PLEKHG3: variants seen among roughly 807,000 people sequenced by gnomAD.
PLEKHG3 encodes the protein pleckstrin homology domain-containing family G member 3.
Under a neutral mutation model 94.9 loss-of-function variants are expected in PLEKHG3, and 62 were observed. That is an observed-to-expected ratio of 0.65 (90% CI 0.53 to 0.81). The LOEUF is 0.81. Ranked by LOEUF, PLEKHG3 falls within the 30% of genes least tolerant of loss-of-function variation. The probability of loss-of-function intolerance (pLI) is 0.00; values close to 1 mark genes in which losing one functional copy is unlikely to be tolerated. For missense variants in PLEKHG3, 1,461 were observed against 1,619.3 expected (o/e 0.90, Z 1.68); for synonymous variants, 614 against 654.0 (o/e 0.94, Z 0.93).
At chr14:64,707,912 A>G (rs2080998540) in intron 1 of PLEKHG3, among the ~76,000 whole-genome samples, 2 of 152,328 alleles carry the variant, frequency 1.3e-5, no homozygotes, top group South Asian at 2.1e-4. Context: ...ATGCGGCATC[A>G]TGGCAATGTA....
chr14:64,724,253 G>A (rs2081314945), intron 1 of PLEKHG3, among the ~76,000 whole-genome samples: 1 of 152,088 alleles, frequency 6.6e-6, no homozygotes, highest in East Asian at 1.9e-4. Flanking sequence ...AATGCACTCT[G>A]AGAGCGATGC....
Position 64,743,946 on chromosome 14 carries a change from ATAGT to A in PLEKHG3, c.*245_*248del. The A allele has an allele frequency of 2.4e-6, 1 of 417,496 alleles. No homozygotes were observed. Among genetic ancestry groups the A allele is most frequent in the Non-Finnish European group, 4.2e-6 (1 of 235,868 alleles). 25.9% of individuals were successfully genotyped at this position (417,496 alleles called of 1,614,324 possible). On this transcript the variant is annotated 3_prime_UTR_variant, in exon 17 of 17. Transcript: ENST00000247226. This position sits in a 1 kb window ranked among gnomAD's most constrained non-coding sequence, Gnocchi z 7.2. ...GCCGGTGTGGCTGCTTCCCTTGTAA[ATAGT>A]TGTTCTCTGGTAAGAAGCCAAATAT...
In PLEKHG3 at chr14:64,728,717, C is replaced by A. The variant is rs926155562; in HGVS notation, c.352-279C>A. 6.6e-6 allele frequency among the ~76,000 whole-genome samples: 1 copy of A among 152,178 alleles called. No homozygotes were observed. Among genetic ancestry groups the A allele is most frequent in the African/African-American group, 2.4e-5 (1 of 41,450 alleles). On this transcript the variant is annotated intron_variant, in intron 2 of 16. Transcript: ENST00000247226. This position sits in a 1 kb window ranked among gnomAD's most constrained non-coding sequence, Gnocchi z 5.9. Reference sequence around the variant, plus strand: ...TGTGTCTCTCTGTGTCCTCCTTCTCCTCTTATAAGGACAGCAGCCACTGGA... The same window carrying A: ...TGTGTCTCTCTGTGTCCTCCTTCTCATCTTATAAGGACAGCAGCCACTGGA...
chr14:64,727,907 C>T lies in PLEKHG3; in HGVS notation c.276C>T (p.Ser92=). The T allele has an allele frequency of 6.2e-7, 1 of 1,612,262 alleles. No individual in the cohort carries two copies. Among genetic ancestry groups the T allele is most frequent in the Non-Finnish European group, 8.5e-7 (1 of 1,178,840 alleles). ...CAGGGCCTGCACACCACAAGCTCAG[C>T]TACCTGGGCCGAGTGGTGCGGGAGA... is the stretch of plus-strand genomic sequence containing the variant. ...AAAGPAHHKL[S]YLGRVVREIV... Residue 92 remains serine (S), a synonymous_variant, in exon 2 of 17, where the codon AGC becomes AGT. Transcript: ENST00000247226. This position sits in a 1 kb window ranked among gnomAD's most constrained non-coding sequence, Gnocchi z 6.0.
chr14:64,749,212 G>A lies in PLEKHG3; in HGVS notation c.*5509G>A. ...CCCGGCCCGCGACTCGACTCATCTC[G>A]ATTCGACCGGCGGGCGGCGGCGAGA... On this transcript the variant is annotated 3_prime_UTR_variant, in exon 17 of 17. Coordinates refer to ENST00000247226, the MANE Select transcript of PLEKHG3 (RefSeq NM_001308147.2). The surrounding 1 kb of genome is among the most constrained non-coding windows in gnomAD (Gnocchi z 4.7). 3 of 1,460,692 alleles carry A rather than the reference G, an allele frequency of 2.1e-6. No homozygotes were observed. The highest frequency in any genetic ancestry group is 2.8e-6 in the Non-Finnish European group (3 of 1,082,698). The allele number at this position is 1,460,692 out of a possible 1,614,324, so 90.5% of individuals were successfully genotyped here. A position where few individuals can be genotyped will look rare whatever the true frequency, so the allele number is the denominator to read the frequency against.
At chr14:64,736,791 G>A in intron 12 of PLEKHG3, 62 bp from the exon 13 acceptor site, 1 of 1,275,762 alleles carries the variant, frequency 7.8e-7, no homozygotes, top group Non-Finnish European at 1.1e-6. Context: ...GTGAGCTTGG[G>A]ACCCAGCCAG....
intron 12 of PLEKHG3, among the ~76,000 whole-genome samples, chr14:64,735,841 G>A (rs1192472680): frequency 6.6e-6 from 1 of 152,152 alleles, no homozygotes; most frequent in Non-Finnish European, 1.5e-5. Flanking sequence ...TGATAATTAA[G>A]TTCTATTGTT....
chr14:64,737,977 T>TGGTGGA, intron 14 of PLEKHG3: 4 of 1,195,644 alleles, frequency 3.3e-6, no homozygotes, highest in African/African-American at 1.6e-5. Flanking sequence ...GAGGAGGTGG[T>TGGTGGA]GGAGGAGGAG....
rs1566729212 is a variant in PLEKHG3, at chr14:64,749,262, G to A, written c.*5559G>A. On this transcript the variant is annotated 3_prime_UTR_variant, in exon 17 of 17. Coordinates refer to ENST00000247226, the MANE Select transcript of PLEKHG3 (RefSeq NM_001308147.2). This position sits in a 1 kb window ranked among gnomAD's most constrained non-coding sequence, Gnocchi z 4.7. ...AGGAGGCCAAGGCCTGGGCTGCCCG[G>A]TCTCTGCGCGTCCCGACTCCGCCGC... The A allele has an allele frequency of 6.5e-7, 1 of 1,541,118 alleles. No individual in the cohort carries two copies. The highest frequency in any genetic ancestry group is 8.7e-7 in the Non-Finnish European group (1 of 1,148,452).
chr14:64,716,015 C>T lies in PLEKHG3; in HGVS notation c.-40+11311C>T, dbSNP rs1287860530. ...CCAAGCCTGTTAACTGCTAGGTTGC[C>T]GGTGCTGGGGACAATGCGGCTGCCC... On this transcript the variant is annotated intron_variant, in intron 1 of 16. Transcript: ENST00000247226. The surrounding 1 kb of genome is among the most constrained non-coding windows in gnomAD (Gnocchi z 5.0). 7 of 455,966 alleles carry T rather than the reference C, an allele frequency of 1.5e-5. No individual in the cohort carries two copies. Among genetic ancestry groups the T allele is most frequent in the Non-Finnish European group, 3.1e-5 (7 of 226,792 alleles). 28.2% of individuals were successfully genotyped at this position (455,966 alleles called of 1,614,324 possible).
intron 14 of PLEKHG3, chr14:64,737,762 T>C (rs2081599786): frequency 2.0e-6 from 1 of 498,520 alleles, no homozygotes; most frequent in African/African-American, 2.1e-5. Flanking sequence ...GGCATCTAGG[T>C]GTGGCTTTCT....
chr14:64,724,502 C>T (rs1386234054), intron 1 of PLEKHG3, among the ~76,000 whole-genome samples: 1 of 152,200 alleles, frequency 6.6e-6, no homozygotes, highest in Non-Finnish European at 1.5e-5. Context: ...TACTTTCTCC[C>T]TCTTCCTTTC....
intron 1 of PLEKHG3, among the ~76,000 whole-genome samples, chr14:64,710,770 A>AT (rs1308677964): frequency 6.6e-6 from 1 of 152,062 alleles, no homozygotes; most frequent in Non-Finnish European, 1.5e-5. Context: ...GCAGACTGAG[A>AT]TAAAAACTCC....
At chr14:64,733,508 C>T (rs531436999) in intron 12 of PLEKHG3, among the ~76,000 whole-genome samples, 7 of 152,272 alleles carry the variant, frequency 4.6e-5, no homozygotes, top group African/African-American at 1.4e-4. Context: ...TTGCTCGCTC[C>T]GGCCTTGGCA....
rs1485372530 is a variant in PLEKHG3, at chr14:64,722,424, GTCTCAAACTCC to G, written c.-39-5156_-39-5146del. Reference sequence around the variant, plus strand: ...GGGTTTCCTCATATTGGTCAGGCTGGTCTCAAACTCCTCTCAAACTCCTGACCAAAGGTGAT... The same window carrying G: ...GGGTTTCCTCATATTGGTCAGGCTGGTCTCAAACTCCTGACCAAAGGTGAT... On this transcript the variant is annotated intron_variant, in intron 1 of 16. Transcript: ENST00000247226. The surrounding 1 kb of genome is among the most constrained non-coding windows in gnomAD (Gnocchi z 4.3). 1.3e-5 allele frequency among the ~76,000 whole-genome samples: 2 copies of G among 152,142 alleles called. No homozygotes were observed. Among genetic ancestry groups the G allele is most frequent in the East Asian group, 1.9e-4 (1 of 5,192 alleles).
chr14:64,735,223 T>C (rs867048406), intron 12 of PLEKHG3, among the ~76,000 whole-genome samples: 1 of 152,208 alleles, frequency 6.6e-6, no homozygotes, highest in Non-Finnish European at 1.5e-5. Context: ...GTCGTGCCCC[T>C]CTTCACGGTT....
At chr14:64,733,044 T>A (rs2081502210) in intron 12 of PLEKHG3, 143 bp downstream of exon 12, 1 of 597,824 alleles carries the variant, frequency 1.7e-6, no homozygotes, top group Non-Finnish European at 3.0e-6. Flanking sequence ...GACACACACC[T>A]GGGGCTCATC....
rs1296398445 is a variant in PLEKHG3, at chr14:64,731,417, G to T, written c.906G>T (p.Glu302Asp). ...GGCCCGACCTGACCACCTACGGGGAGCTTGTCCTGGAGGGCACATTCCGCG... is the reference window on the plus strand; with the variant it reads ...GGCCCGACCTGACCACCTACGGGGATCTTGTCCTGGAGGGCACATTCCGCG... ...WKGPDLTTYGELVLEGTFRVH... is the reference protein window; with the variant it reads ...WKGPDLTTYGDLVLEGTFRVH... Residue 302 changes from glutamate to aspartate, a missense_variant, in exon 8 of 17, where the codon GAG (glutamate) becomes GAT (aspartate). Physicochemically the swap from Glu to Asp is conservative, Grantham distance 45 (BLOSUM62 2). Coordinates refer to ENST00000247226, the MANE Select transcript of PLEKHG3 (RefSeq NM_001308147.2). The surrounding 1 kb of genome is among the most constrained non-coding windows in gnomAD (Gnocchi z 6.1). 1 of 1,614,058 alleles carries T rather than the reference G, an allele frequency of 6.2e-7. No individual in the cohort carries two copies. The highest frequency in any genetic ancestry group is 8.5e-7 in the Non-Finnish European group (1 of 1,179,930).
chr14:64,738,293 C>CAGAGGGGG lies in PLEKHG3; in HGVS notation c.1405-449_1405-448insAGAGGGGG. 2 of 1,014,076 alleles carry CAGAGGGGG rather than the reference C, an allele frequency of 2.0e-6. No homozygotes were observed. Among genetic ancestry groups the CAGAGGGGG allele is most frequent in the Non-Finnish European group, 2.7e-6 (2 of 747,960 alleles). 62.8% of individuals were successfully genotyped at this position (1,014,076 alleles called of 1,614,324 possible). On this transcript the variant is annotated intron_variant, in intron 14 of 16. Transcript: ENST00000247226. This position sits in a 1 kb window ranked among gnomAD's most constrained non-coding sequence, Gnocchi z 4.8. The stretch of plus-strand genomic sequence containing the variant: ...GGGATGTGCATGCCCACCCGAGGGC[C>CAGAGGGGG]CCCTCTGCTGCCCTCCTCACCCCAC...
Sources: gnomAD v4.1 joint callset for allele counts (sites outside exome capture counted in the v4.1 genomes callset) on GRCh38, gnomAD v4.1.1 for gene constraint, Gnocchi (gnomAD v3.1) non-coding constraint, MANE v1.5 for transcripts, NCBI Gene and HGNC (gene_info 2026-07-23, HGNC 2026-07-21) for gene names.